HIF1AN: variants seen among roughly 807,000 people sequenced by gnomAD.
HIF1AN encodes hypoxia-inducible factor 1-alpha inhibitor.
HIF1AN carries 21 observed loss-of-function variants against 47.7 expected under a neutral mutation model. The observed-to-expected ratio is 0.44, with a 90% confidence interval of 0.31 to 0.63. The LOEUF (loss-of-function observed/expected upper bound fraction) is 0.63, where lower values mean the gene tolerates loss of function less well. HIF1AN is among the 30% of genes least tolerant of loss of function. HIF1AN has a pLI of 0.07. For synonymous variants in HIF1AN, 152 were observed against 155.9 expected (o/e 0.98, Z 0.18); for missense variants, 320 against 432.7 (o/e 0.74, Z 2.31).
rs1240114428 is a variant in HIF1AN, at chr10:100,540,655, C to G, written c.450C>G (p.Leu150=). The G allele has an allele frequency of 6.2e-7, 1 of 1,613,774 alleles. No homozygotes were observed. The highest frequency in any genetic ancestry group is 8.5e-7 in the Non-Finnish European group (1 of 1,179,920). Residue 150 remains leucine, a synonymous_variant, in exon 3 of 8, where the codon CTC becomes CTG. Transcript: ENST00000299163. ...ATAGGTTGTATCTGCAGCAAACGCTCAATGACACTGTGGGCAGGAAGATTG... is the reference window on the plus strand; with the variant it reads ...ATAGGTTGTATCTGCAGCAAACGCTGAATGACACTGTGGGCAGGAAGATTG... ...GEERLYLQQT[L]NDTVGRKIVM...
intron 1 of HIF1AN, 96 bp downstream of exon 1, chr10:100,536,231 C>T: frequency 7.4e-7 from 1 of 1,352,690 alleles, no homozygotes; most frequent in Non-Finnish European, 1.0e-6. Flanking sequence ...TGGCAGGGCT[C>T]TAGACTAGGG....
chr10:100,546,629 TG>T (rs751710825), intron 6 of HIF1AN, 48 bp downstream of exon 6: 1 of 1,383,428 alleles, frequency 7.2e-7, no homozygotes, highest in South Asian at 1.2e-5. Flanking sequence ...AACTGGCTCT[TG>T]GGTGAGGTAG....
intron 2 of HIF1AN, among the ~76,000 whole-genome samples, chr10:100,537,629 G>T (rs932842709): frequency 6.6e-6 from 1 of 152,174 alleles, no homozygotes; most frequent in African/African-American, 2.4e-5. Flanking sequence ...CTCTTATGTA[G>T]GTCCGAGACA....
rs961767302 is a variant in HIF1AN, at chr10:100,550,715, A to T, written c.*2578A>T. Reference sequence around the variant, plus strand: ...AGTGCTAGAAGAAGCTGTGGGGGGAACTGAGTTCTGTGTCTAATTGCATTA... The same window carrying T: ...AGTGCTAGAAGAAGCTGTGGGGGGATCTGAGTTCTGTGTCTAATTGCATTA... On this transcript the variant is annotated 3_prime_UTR_variant, in exon 8 of 8. Coordinates refer to ENST00000299163, the MANE Select transcript of HIF1AN (RefSeq NM_017902.3). 6.6e-6 allele frequency: 1 copy of T among 152,190 alleles called. No homozygotes were observed. The highest frequency in any genetic ancestry group is 2.4e-5 in the African/African-American group (1 of 41,454). 9.4% of individuals were successfully genotyped at this position (152,190 alleles called of 1,614,324 possible).
intron 5 of HIF1AN, among the ~76,000 whole-genome samples, 182 bp downstream of exon 5, chr10:100,546,231 G>A (rs558405880): frequency 6.6e-6 from 1 of 152,082 alleles, no homozygotes. Flanking sequence ...TGATAGCCCT[G>A]TCTCTAGGAC....
At position 100,539,154 on chromosome 10, in the gene HIF1AN, A is replaced by G. The variant is rs140815155; in HGVS notation, c.429-1480A>G. 3.3e-3 allele frequency among the ~76,000 whole-genome samples: 498 copies of G among 152,004 alleles called. 3 individuals are homozygous for G. Among genetic ancestry groups the G allele is most frequent in the African/African-American group, 0.012 (486 of 41,480 alleles). The stretch of plus-strand genomic sequence containing the variant: ...GCCATGTTGCCCAGGCTGGTCTCGA[A>G]CTCCTGAGCTTAGGCAATCCACCTC... On this transcript the variant is annotated intron_variant, in intron 2 of 7. Coordinates refer to ENST00000299163, the MANE Select transcript of HIF1AN (RefSeq NM_017902.3).
intron 3 of HIF1AN, 144 bp downstream of exon 3, chr10:100,540,926 T>A: frequency 1.3e-6 from 1 of 796,308 alleles, no homozygotes; most frequent in Non-Finnish European, 1.9e-6. Context: ...AAAAGAAACA[T>A]AATAGGGGCT....
In HIF1AN at chr10:100,553,521, C is replaced by T. The variant is rs1193369276; in HGVS notation, c.*5384C>T. 1 of 152,240 alleles carries T rather than the reference C, an allele frequency of 6.6e-6. No individual in the cohort carries two copies. The highest frequency in any genetic ancestry group is 1.5e-5 in the Non-Finnish European group (1 of 68,040). The allele number at this position is 152,240 out of a possible 1,614,324, so 9.4% of individuals were successfully genotyped here. A position where few individuals can be genotyped will look rare whatever the true frequency, so the allele number is the denominator to read the frequency against. ...AGCTTATACCCAGACTATCTCTCCA[C>T]TCCTCCAAGAGTTTGAGTCCCATAG... On this transcript the variant is annotated 3_prime_UTR_variant, in exon 8 of 8. Transcript: ENST00000299163.
rs1843096056 is a variant in HIF1AN, at chr10:100,546,575, G to C, written c.888G>C (p.Trp296Cys). Residue 296 changes from tryptophan to cysteine, a missense_variant, in exon 6 of 8, where the codon TGG becomes TGC. Around this residue, in one of 2 missense-constraint regions of HIF1AN, gnomAD observed 161 missense variants for 272.8 expected, o/e 0.59. Coordinates refer to ENST00000299163, the MANE Select transcript of HIF1AN (RefSeq NM_017902.3). ...NGGITITVNF[W>C]YKGAPTPKRI... ...GGATTACCATCACTGTGAACTTCTG[G>C]TATAAGGTGAATATGGTTTGCTTTT... 6.2e-7 allele frequency: 1 copy of C among 1,613,298 alleles called. No individual in the cohort carries two copies. The highest frequency in any genetic ancestry group is 8.5e-7 in the Non-Finnish European group (1 of 1,179,550).
Position 100,536,128 on chromosome 10 carries a change from A to C in HIF1AN, c.170A>C (p.Glu57Ala), listed in dbSNP as rs773689188. The change falls in exon 1 of 8, where the codon GAG becomes GCG. Residue 57 changes from glutamate to alanine, a missense_variant. Around this residue, in one of 2 missense-constraint regions of HIF1AN, gnomAD observed 159 missense variants for 159.9 expected, o/e 0.99. Coordinates refer to ENST00000299163, the MANE Select transcript of HIF1AN (RefSeq NM_017902.3). ...QSDPRAEELI[E>A]NEEPVVLTDT... The stretch of plus-strand genomic sequence containing the variant: ...GACCCCCGGGCAGAGGAGCTTATTG[A>C]GAATGAGGTGGGGGGCGGGGCCGCG... 6.3e-7 allele frequency: 1 copy of C among 1,596,202 alleles called. No individual in the cohort carries two copies. The highest frequency in any genetic ancestry group is 1.1e-5 in the South Asian group (1 of 89,436).
chr10:100,545,834 G>GTTTTT, intron 4 of HIF1AN, 109 bp from the exon 5 acceptor site: 2 of 637,128 alleles, frequency 3.1e-6, no homozygotes, highest in East Asian at 2.9e-5. Context: ...TTAAGGCATC[G>GTTTTT]TTTTTTTTTT....
chr10:100,541,595 T>A (rs900792678), intron 3 of HIF1AN, among the ~76,000 whole-genome samples: 3 of 152,000 alleles, frequency 2.0e-5, no homozygotes, highest in Admixed American at 2.0e-4. Context: ...CCGCCTCCCG[T>A]GTTCAAGTGA....
At chr10:100,545,818 CTTTTT>C in intron 4 of HIF1AN, 120 bp from the exon 5 acceptor site, 1 of 671,316 alleles carries the variant, frequency 1.5e-6, no homozygotes, top group South Asian at 1.8e-5. Context: ...ATTCCAAATA[CTTTTT>C]TTAAGGCATC....
chr10:100,548,150 C>G lies in HIF1AN; in HGVS notation c.*13C>G. The G allele has an allele frequency of 6.2e-7, 1 of 1,603,448 alleles. No homozygotes were observed. Among genetic ancestry groups the G allele is most frequent in the Non-Finnish European group, 8.5e-7 (1 of 1,174,570 alleles). The stretch of plus-strand genomic sequence containing the variant: ...CCGATACAACTAGCCTGCCAGGGGT[C>G]AAGGCCTCCTGCCAGGTGACTGCTA... On this transcript the variant is annotated 3_prime_UTR_variant, in exon 8 of 8. Coordinates refer to ENST00000299163, the MANE Select transcript of HIF1AN (RefSeq NM_017902.3).
At position 100,536,680 on chromosome 10, in the gene HIF1AN, A is replaced by G. The variant is rs1356521157; in HGVS notation, c.428+19A>G. The stretch of plus-strand genomic sequence containing the variant: ...AAGAGAGGTAAATTCCGAAAGCTTA[A>G]TTTTCTGTTGGATTTAGGACACTCA... On this transcript the variant is annotated intron_variant, in intron 2 of 7. Transcript: ENST00000299163. The G allele has an allele frequency of 6.2e-7, 1 of 1,613,024 alleles. No individual in the cohort carries two copies. Among genetic ancestry groups the G allele is most frequent in the South Asian group, 1.1e-5 (1 of 91,018 alleles).
intron 3 of HIF1AN, among the ~76,000 whole-genome samples, chr10:100,543,620 T>G (rs569434779): frequency 2.0e-5 from 3 of 152,298 alleles, no homozygotes; most frequent in Non-Finnish European, 4.4e-5. Flanking sequence ...TCGCCCAGAC[T>G]GGAGTGCAAT....
At position 100,545,992 on chromosome 10, in the gene HIF1AN, T is replaced by A. The variant is rs753263371; in HGVS notation, c.773T>A (p.Val258Glu). The change falls in exon 5 of 8, where the codon GTG becomes GAG. Residue 258 changes from valine (V) to glutamate (E), a missense_variant. By Grantham distance (121) the Val-to-Glu change is moderately radical. Transcript: ENST00000299163. ...DYERFPNFQN[V>E]VGYETVVGPG... Reference sequence around the variant, plus strand: ...GAGAGGTTCCCTAATTTCCAAAATGTGGTTGGTTACGAAACAGTGGTTGGC... The same window carrying A: ...GAGAGGTTCCCTAATTTCCAAAATGAGGTTGGTTACGAAACAGTGGTTGGC... The A allele has an allele frequency of 6.2e-7, 1 of 1,613,942 alleles. No individual in the cohort carries two copies. Among genetic ancestry groups the A allele is most frequent in the African/African-American group, 1.3e-5 (1 of 74,884 alleles).
intron 7 of HIF1AN, among the ~76,000 whole-genome samples, chr10:100,547,656 T>G (rs1843106984): frequency 6.6e-6 from 1 of 152,160 alleles, no homozygotes; most frequent in Non-Finnish European, 1.5e-5. Context: ...TTTGTAGGGT[T>G]CTTGCTTGCC....
chr10:100,546,991 C>T (rs1405197597), intron 6 of HIF1AN, 149 bp from the exon 7 acceptor site: 20 of 591,390 alleles, frequency 3.4e-5, no homozygotes, highest in South Asian at 2.0e-4. Context: ...CCACCCGCCT[C>T]GGCCTCCCAA....
Sources: allele counts gnomAD v4.1 joint callset (sites outside exome capture counted in the v4.1 genomes callset), GRCh38; gene constraint gnomAD v4.1.1; regional missense constraint gnomAD v4.1.1; transcripts MANE v1.5; gene names NCBI Gene and HGNC (gene_info 2026-07-23, HGNC 2026-07-21).